Variants in ERC2 observed in about 807,000 individuals in gnomAD.
ERC2 encodes ELKS/RAB6-interacting/CAST family member 2.
A neutral mutation model predicts 114.8 loss-of-function variants in ERC2; 42 were observed. The ratio of observed to expected loss-of-function variants is 0.37; its 90% CI spans 0.29 to 0.47. ERC2 has a LOEUF of 0.47. ERC2 is among the 20% of genes least tolerant of loss of function. ERC2 has a pLI of 0.99. For synonymous variants in ERC2, 454 were observed against 425.5 expected (o/e 1.07, Z -0.82); for missense variants, 939 against 1,150.7 (o/e 0.82, Z 2.66).
At chr3:56,374,487 G>T (rs2059466950) in intron 2 of ERC2, among the ~76,000 whole-genome samples, 2 of 152,118 alleles carry the variant, frequency 1.3e-5, no homozygotes, top group Non-Finnish European at 2.9e-5. Flanking sequence ...CTTACTCTAT[G>T]CCAGGCTATG....
intron 15 of ERC2, among the ~76,000 whole-genome samples, chr3:55,729,511 G>C (rs1315441182): frequency 2.0e-5 from 3 of 151,938 alleles, no homozygotes; most frequent in Non-Finnish European, 2.9e-5. Flanking sequence ...TATGTATTAT[G>C]TCCGTTGTTT....
At chr3:56,242,396 C>G (rs1576034559) in intron 3 of ERC2, among the ~76,000 whole-genome samples, 1 of 152,086 alleles carries the variant, frequency 6.6e-6, no homozygotes, top group African/African-American at 2.4e-5. Flanking sequence ...ACCAAAATCT[C>G]AGAAATCACC....
chr3:55,563,616 G>A (rs2056179292), intron 17 of ERC2, among the ~76,000 whole-genome samples: 1 of 152,192 alleles, frequency 6.6e-6, no homozygotes, highest in African/African-American at 2.4e-5. Flanking sequence ...GATCCCTTCA[G>A]AATCCAAAGC....
intron 16 of ERC2, among the ~76,000 whole-genome samples, chr3:55,686,184 A>G (rs2062323112): frequency 6.6e-6 from 1 of 152,218 alleles, no homozygotes; most frequent in African/African-American, 2.4e-5. Context: ...AGGGTTATTA[A>G]AAACCAGATG....
intron 11 of ERC2, among the ~76,000 whole-genome samples, chr3:55,986,721 A>G (rs1054759931): frequency 2.0e-5 from 3 of 151,620 alleles, no homozygotes; most frequent in Non-Finnish European, 4.4e-5. Context: ...AAGTTATAAT[A>G]CTTTTTAATT....
intron 14 of ERC2, among the ~76,000 whole-genome samples, chr3:55,823,382 T>C (rs900715430): frequency 6.6e-6 from 1 of 152,204 alleles, no homozygotes; most frequent in African/African-American, 2.4e-5. Context: ...GTTATCCCAG[T>C]ACCCTTCATA....
At chr3:56,062,352 T>C (rs2076278567) in intron 7 of ERC2, among the ~76,000 whole-genome samples, 1 of 152,174 alleles carries the variant, frequency 6.6e-6, no homozygotes. Context: ...TCTGTGGGGA[T>C]CTGAAGCTTA....
intron 2 of ERC2, among the ~76,000 whole-genome samples, chr3:56,430,457 A>T (rs974787701): frequency 6.6e-6 from 1 of 152,336 alleles, no homozygotes; most frequent in South Asian, 2.1e-4. Context: ...TTAGATGTCC[A>T]TAATCCCTTG....
intron 14 of ERC2, among the ~76,000 whole-genome samples, chr3:55,749,896 G>A (rs904766332): frequency 4.6e-5 from 7 of 152,092 alleles, no homozygotes; most frequent in Non-Finnish European, 8.8e-5. Context: ...TCTTGAAGTC[G>A]GTGAGACCAC....
In ERC2 at chr3:56,296,139, T is replaced by C; in HGVS notation, c.954A>G (p.Pro318=). 1 of 1,614,062 alleles carries C rather than the reference T, an allele frequency of 6.2e-7. No homozygotes were observed. Among genetic ancestry groups the C allele is most frequent in the Non-Finnish European group, 8.5e-7 (1 of 1,179,888 alleles). The change falls in exon 3 of 18, where the codon CCA becomes CCG. Residue 318 remains proline, a synonymous_variant. Coordinates refer to ENST00000288221, the MANE Select transcript of ERC2 (RefSeq NM_015576.3). ...CATTGTCATCCTCCAGGCTTTTGGA[T>C]GGCAAGCCTTTACTTTGCAACATCT... is the stretch of plus-strand genomic sequence containing the variant. ...LLEMLQSKGL[P]SKSLEDDNER... is the part of the protein sequence containing the mutation.
At chr3:55,603,001 T>C (rs1341617796) in intron 17 of ERC2, among the ~76,000 whole-genome samples, 1 of 152,044 alleles carries the variant, frequency 6.6e-6, no homozygotes, top group Non-Finnish European at 1.5e-5. Context: ...AGACCGAGCA[T>C]CTCCTTAACA....
intron 7 of ERC2, among the ~76,000 whole-genome samples, chr3:56,072,715 T>C (rs988067282): frequency 6.6e-6 from 1 of 152,214 alleles, no homozygotes; most frequent in African/African-American, 2.4e-5. Context: ...AGTGTTTTTA[T>C]TTTCAGTCAG....
At chr3:55,722,418 C>T (rs934770597) in intron 15 of ERC2, among the ~76,000 whole-genome samples, 1 of 152,114 alleles carries the variant, frequency 6.6e-6, no homozygotes, top group African/African-American at 2.4e-5. Context: ...GGCTCACCCC[C>T]CACTTGGCTG....
At chr3:55,574,146 G>A (rs990984800) in intron 17 of ERC2, among the ~76,000 whole-genome samples, 1 of 152,126 alleles carries the variant, frequency 6.6e-6, no homozygotes, top group Non-Finnish European at 1.5e-5. Context: ...ATTAGGTCTG[G>A]TTATTCTCAT....
chr3:56,358,447 GTCT>G (rs1357427450), intron 2 of ERC2, among the ~76,000 whole-genome samples: 1 of 152,192 alleles, frequency 6.6e-6, no homozygotes, highest in Non-Finnish European at 1.5e-5. Context: ...TACAGAGGTG[GTCT>G]TCTGAGTTTT....
At chr3:56,022,159 T>C (rs755181511) in intron 7 of ERC2, among the ~76,000 whole-genome samples, 12 of 152,234 alleles carry the variant, frequency 7.9e-5, no homozygotes, top group Non-Finnish European at 1.6e-4. Flanking sequence ...TGCATAGCAT[T>C]GCTAACTAAA....
At chr3:55,665,220 C>T (rs762449605) in intron 17 of ERC2, among the ~76,000 whole-genome samples, 4 of 152,200 alleles carry the variant, frequency 2.6e-5, no homozygotes, top group Non-Finnish European at 5.9e-5. Flanking sequence ...TCAAGCAGCG[C>T]TCTTTCCACT....
chr3:56,169,931 C>A (rs2082544407), intron 4 of ERC2, among the ~76,000 whole-genome samples: 1 of 151,750 alleles, frequency 6.6e-6, no homozygotes, highest in African/African-American at 2.4e-5. Context: ...AAGAAATTAG[C>A]ATTAAAGAAA....
intron 2 of ERC2, among the ~76,000 whole-genome samples, chr3:56,300,996 T>G (rs2055835895): frequency 6.6e-6 from 1 of 152,176 alleles, no homozygotes; most frequent in Non-Finnish European, 1.5e-5. Context: ...ACACCTGTAA[T>G]CCCAGCACTT....
Sources: gnomAD v4.1 joint callset for allele counts (sites outside exome capture counted in the v4.1 genomes callset) on GRCh38, gnomAD v4.1.1 for gene constraint, MANE v1.5 for transcripts, NCBI Gene and HGNC (gene_info 2026-07-23, HGNC 2026-07-21) for gene names.